CD226: variants seen among roughly 807,000 people sequenced by gnomAD.
CD226 encodes CD226 molecule.
In CD226, 24 loss-of-function variants were observed where a neutral mutation model predicts 34.9. That is an observed-to-expected ratio of 0.69 (90% CI 0.50 to 0.97). The LOEUF is 0.97. Among genes scored for constraint, CD226 ranks in the 50% least tolerant of loss-of-function variants. The pLI, the probability that CD226 is intolerant of heterozygous loss-of-function variation, is 0.00. For missense variants in CD226, 397 were observed against 412.7 expected (o/e 0.96, Z 0.33); for synonymous variants, 148 against 147.4 (o/e 1.00, Z -0.03).
intron 3 of CD226, among the ~76,000 whole-genome samples, chr18:69,892,585 T>A (rs1415916301): frequency 6.6e-6 from 1 of 152,154 alleles, no homozygotes; most frequent in Non-Finnish European, 1.5e-5. Context: ...AGAAAGTCAG[T>A]GGTAAATGTG....
At chr18:69,905,278 C>A (rs2055238507) in intron 2 of CD226, among the ~76,000 whole-genome samples, 1 of 151,448 alleles carries the variant, frequency 6.6e-6, no homozygotes, top group Admixed American at 6.6e-5. Flanking sequence ...TTTTCTGATG[C>A]CTTAACTCTT....
chr18:69,957,670 C>T (rs2055908594), upstream of CD226, among the ~76,000 whole-genome samples: 1 of 152,142 alleles, frequency 6.6e-6, no homozygotes, highest in South Asian at 2.1e-4. Context: ...AATTATGCAT[C>T]GCAGGTACAG....
Position 69,919,983 on chromosome 18 carries a change from C to A in CD226, c.383-23938G>T, listed in dbSNP as rs189789869. Among the ~76,000 whole-genome samples, 44 of 152,086 alleles carry A rather than the reference C, an allele frequency of 2.9e-4. 1 individual carries two copies. The highest frequency in any genetic ancestry group is 2.6e-3 in the Admixed American group (40 of 15,284). On this transcript the variant is annotated intron_variant, in intron 2 of 5. Transcript: ENST00000582621. ...GGATCAAACCATCATCCCACCTCAG[C>A]CTCCTAAGTAGCTGGGACAACAGAC...
upstream of CD226, among the ~76,000 whole-genome samples, chr18:69,958,927 C>T (rs550333582): frequency 2.6e-5 from 4 of 151,972 alleles, no homozygotes; most frequent in Admixed American, 2.0e-4. Flanking sequence ...AATGGAGATA[C>T]CTTTTGTTGT....
intron 3 of CD226, among the ~76,000 whole-genome samples, chr18:69,883,777 T>C (rs1187798661): frequency 6.6e-6 from 1 of 152,186 alleles, no homozygotes; most frequent in Non-Finnish European, 1.5e-5. Context: ...AATAGAAATA[T>C]CATCTTAAAA....
intron 2 of CD226, among the ~76,000 whole-genome samples, chr18:69,916,763 A>T (rs573308547): frequency 6.6e-6 from 1 of 152,350 alleles, no homozygotes; most frequent in East Asian, 1.9e-4. Context: ...CTTATACTCA[A>T]TATGAGCACC....
rs1265394878 is a variant in CD226, at chr18:69,905,332, T to C, written c.383-9287A>G. On this transcript the variant is annotated intron_variant, in intron 2 of 5. Transcript: ENST00000582621. ...CTGCACTTGTCCTTGTTAAAATGCA[T>C]ATAAAATTTTCAATTCCCGGCAGGC... Among the ~76,000 whole-genome samples the C allele has an allele frequency of 3.3e-5, 5 of 151,772 alleles. No individual in the cohort carries two copies. In the East Asian group the frequency reaches 7.7e-4, roughly 23 times the overall value.
intron 3 of CD226, among the ~76,000 whole-genome samples, chr18:69,895,421 T>C (rs12968499): frequency 0.42 from 64,354 of 152,056 alleles, 16,266 homozygotes; most frequent in East Asian, 0.65. Context: ...GGTAATACCA[T>C]ATGTTTTTCA....
At position 69,879,195 on chromosome 18, in the gene CD226, T is replaced by C. The variant is rs1599385314; in HGVS notation, c.728-5949A>G. Among the ~76,000 whole-genome samples the C allele has an allele frequency of 2.6e-5, 4 of 152,282 alleles. No homozygotes were observed. In the South Asian group the frequency reaches 8.3e-4, roughly 32 times the overall value. ...TGCTAATGAAGTTTCAGGAACACAC[T>C]GTCACTGATAAACATCTTAACAGGG... is the stretch of plus-strand genomic sequence containing the variant. On this transcript the variant is annotated intron_variant, in intron 3 of 5. Transcript: ENST00000582621.
rs796640397 is a variant in CD226 at position 69,864,226 on chromosome 18, A to G, written c.*88T>C. 1.2e-4 allele frequency: 146 copies of G among 1,174,952 alleles called. 1 individual carries two copies. In the African/African-American group the frequency reaches 2.0e-3, roughly 16 times the overall value. 72.8% of individuals were successfully genotyped at this position (1,174,952 alleles called of 1,614,324 possible). On this transcript the variant is annotated 3_prime_UTR_variant, in exon 6 of 6. Coordinates refer to ENST00000582621, the MANE Select transcript of CD226 (RefSeq NM_001303618.2). ...AATTCAGACAACTAGTATCTAAGGT[A>G]GACCTTGGGTAGTGGAAAAAAATTG...
rs562348344 is a variant in CD226, at chr18:69,853,965, T to C, written c.*10349A>G. ...GCAGCCTAGACGAGAGCAAGTCATA[T>C]GGAATGGAGTCCAGCAACAGGAACC... On this transcript the variant is annotated 3_prime_UTR_variant, in exon 6 of 6. Coordinates refer to ENST00000582621, the MANE Select transcript of CD226 (RefSeq NM_001303618.2). The C allele has an allele frequency of 6.6e-6, 1 of 152,312 alleles. No individual in the cohort carries two copies. Among genetic ancestry groups the C allele is most frequent in the East Asian group, 1.9e-4 (1 of 5,196 alleles). 9.4% of individuals were successfully genotyped at this position (152,312 alleles called of 1,614,324 possible).
intron 3 of CD226, among the ~76,000 whole-genome samples, chr18:69,878,062 T>C (rs1281423745): frequency 6.6e-6 from 1 of 152,214 alleles, no homozygotes; most frequent in African/African-American, 2.4e-5. Flanking sequence ...GTACGGATGC[T>C]TTGGGAGTTA....
intron 3 of CD226, among the ~76,000 whole-genome samples, chr18:69,880,268 A>G (rs1984141326): frequency 7.0e-6 from 1 of 142,660 alleles, no homozygotes; most frequent in Non-Finnish European, 1.5e-5. Context: ...GAAAGAAGGA[A>G]GGGGAGGGAA....
Position 69,860,618 on chromosome 18 carries a change from T to C in CD226, c.*3696A>G, listed in dbSNP as rs544530676. ...AGCTTTTAAAAAAATTAACTTGTTT[T>C]TAGTTTTCAGATACATGTTTTAAGA... On this transcript the variant is annotated 3_prime_UTR_variant, in exon 6 of 6. Coordinates refer to ENST00000582621, the MANE Select transcript of CD226 (RefSeq NM_001303618.2). The C allele has an allele frequency of 6.6e-6, 1 of 152,294 alleles. No individual in the cohort carries two copies. The highest frequency in any genetic ancestry group is 1.9e-4 in the East Asian group (1 of 5,182). 9.4% of individuals were successfully genotyped at this position (152,294 alleles called of 1,614,324 possible).
chr18:69,937,962 C>T (rs2055675380), intron 2 of CD226, among the ~76,000 whole-genome samples: 1 of 152,144 alleles, frequency 6.6e-6, no homozygotes, highest in Admixed American at 6.6e-5. Flanking sequence ...GCTGCTATGT[C>T]AGCTGCTGGG....
chr18:69,914,967 G>A (rs961511582), intron 2 of CD226, among the ~76,000 whole-genome samples: 36 of 152,176 alleles, frequency 2.4e-4, no homozygotes, highest in African/African-American at 8.4e-4. Context: ...AAGTATTAGA[G>A]CTTTACCAGA....
chr18:69,888,308 T>C (rs1457281217), intron 3 of CD226, among the ~76,000 whole-genome samples: 1 of 152,186 alleles, frequency 6.6e-6, no homozygotes, highest in African/African-American at 2.4e-5. Context: ...GCTTTTAGAA[T>C]GTAAATTCCA....
rs1599364943 is a variant in CD226 at position 69,861,964 on chromosome 18, T to A, written c.*2350A>T. The stretch of plus-strand genomic sequence containing the variant: ...ATTCCTGAAAAAACCCTACACTCTG[T>A]AGAGGAAGAATATATAGAGAAGAAA... On this transcript the variant is annotated 3_prime_UTR_variant, in exon 6 of 6. Transcript: ENST00000582621. 1 of 152,120 alleles carries A rather than the reference T, an allele frequency of 6.6e-6. No homozygotes were observed. Among genetic ancestry groups the A allele is most frequent in the Non-Finnish European group, 1.5e-5 (1 of 67,984 alleles). The allele number at this position is 152,120 out of a possible 1,614,324, so 9.4% of individuals were successfully genotyped here.
intron 2 of CD226, among the ~76,000 whole-genome samples, chr18:69,942,537 G>A (rs187935097): frequency 1.6e-4 from 25 of 152,284 alleles, no homozygotes; most frequent in East Asian, 5.8e-4. Context: ...ATAACTTTTC[G>A]GGTTTATTTC....
Sources: allele counts gnomAD v4.1 joint callset (sites outside exome capture counted in the v4.1 genomes callset), GRCh38; gene constraint gnomAD v4.1.1; transcripts MANE v1.5; gene names NCBI Gene and HGNC (gene_info 2026-07-23, HGNC 2026-07-21).